ZP3: variants seen among roughly 807,000 people sequenced by gnomAD.
The protein encoded by ZP3 is zona pellucida glycoprotein 3.
ZP3 carries 21 observed loss-of-function variants against 35.6 expected under a neutral mutation model. That is an observed-to-expected ratio of 0.59 (90% confidence interval 0.42 to 0.85). The LOEUF is 0.85. ZP3 is among the 40% of genes least tolerant of loss of function. The pLI, the probability that ZP3 is intolerant of heterozygous loss-of-function variation, is 0.00. For missense variants in ZP3, 437 were observed against 536.5 expected, an observed-to-expected ratio of 0.81 and a Z score of 1.83; for synonymous variants, 207 against 214.5, an observed-to-expected ratio of 0.96 and a Z score of 0.31.
chr7:76,397,570 G>T lies in ZP3; in HGVS notation c.-294G>T, dbSNP rs769209494. On this transcript the variant is annotated 5_prime_UTR_variant, in exon 1 of 9. Coordinates refer to the ZP3 transcript ENST00000336517. ...GGTGGCCGCAGTTGTGCACACCCCAGCCCAGGCTCTGGCAGGCTGCCAGGC... is the reference window on the plus strand; with the variant it reads ...GGTGGCCGCAGTTGTGCACACCCCATCCCAGGCTCTGGCAGGCTGCCAGGC... The T allele has an allele frequency of 3.1e-6, 5 of 1,607,330 alleles. No individual in the cohort carries two copies. The Admixed American group carries it at 8.5e-5, about 27-fold the overall frequency.
intron 1 of ZP3, among the ~76,000 whole-genome samples, chr7:76,419,641 T>C (rs56314832): frequency 0.021 from 3,229 of 151,848 alleles, 89 homozygotes; most frequent in African/African-American, 0.061. Context: ...TTTCTTTCTT[T>C]CTTTTCTCTC....
At chr7:76,404,401 C>T in intron 1 of ZP3, 1 of 1,614,080 alleles carries the variant, frequency 6.2e-7, no homozygotes, top group Non-Finnish European at 8.5e-7. Flanking sequence ...GCTTCTCATC[C>T]AGCTGGGGAC....
chr7:76,435,026 A>C (rs559573130), intron 5 of ZP3, among the ~76,000 whole-genome samples: 1 of 152,324 alleles, frequency 6.6e-6, no homozygotes, highest in Admixed American at 6.5e-5. Flanking sequence ...AAGGACCAAC[A>C]TCTAGCCGGG....
At chr7:76,405,442 A>G (rs1192407692) in intron 1 of ZP3, among the ~76,000 whole-genome samples, 2 of 138,686 alleles carry the variant, frequency 1.4e-5, no homozygotes, top group East Asian at 4.3e-4. Context: ...TTGGCCTCCC[A>G]AAGTGCTGAA....
intron 5 of ZP3, among the ~76,000 whole-genome samples, chr7:76,435,459 G>A (rs1363642763): frequency 6.6e-6 from 1 of 152,228 alleles, no homozygotes; most frequent in Non-Finnish European, 1.5e-5. Context: ...CCAGCCTCAA[G>A]TAGCTTTTAA....
At position 76,415,139 on chromosome 7, in the gene ZP3, G is replaced by A. The variant is rs1461871442; in HGVS notation, c.-66-9913G>A. On this transcript the variant is annotated intron_variant, in intron 1 of 8. Coordinates refer to the ZP3 transcript ENST00000336517. ...GCCTGTAATCCCAGCACTTTGGAAGGCCGAGGTGGGCGGATCACGTGAGGT... is the reference window on the plus strand; with the variant it reads ...GCCTGTAATCCCAGCACTTTGGAAGACCGAGGTGGGCGGATCACGTGAGGT... Among the ~76,000 whole-genome samples, 36 of 151,526 alleles carry A rather than the reference G, an allele frequency of 2.4e-4. 1 individual carries two copies. The highest frequency in any genetic ancestry group is 2.4e-3 in the Admixed American group (36 of 15,184).
chr7:76,436,273 C>T (rs1230452165), intron 5 of ZP3, among the ~76,000 whole-genome samples: 1 of 151,974 alleles, frequency 6.6e-6, no homozygotes, highest in Admixed American at 6.6e-5. Context: ...TCTTGAATAC[C>T]CGACCTCAAA....
chr7:76,435,431 A>G (rs931447510), intron 5 of ZP3, among the ~76,000 whole-genome samples: 24 of 152,272 alleles, frequency 1.6e-4, no homozygotes, highest in African/African-American at 5.5e-4. Context: ...CTGGAATTAC[A>G]GGCGTGAGCC....
intron 1 of ZP3, among the ~76,000 whole-genome samples, chr7:76,406,993 C>G (rs986323904): frequency 6.6e-6 from 1 of 152,138 alleles, no homozygotes; most frequent in African/African-American, 2.4e-5. Flanking sequence ...CAGAGCCTCC[C>G]TCTGTCACCC....
chr7:76,402,237 T>C (rs1563685310), intron 1 of ZP3, among the ~76,000 whole-genome samples: 2 of 149,304 alleles, frequency 1.3e-5, no homozygotes. Flanking sequence ...TGGAGCACAG[T>C]GGCATGATCT....
At chr7:76,431,224 G>A (rs1805816834) in intron 2 of ZP3, among the ~76,000 whole-genome samples, 1 of 152,176 alleles carries the variant, frequency 6.6e-6, no homozygotes, top group African/African-American at 2.4e-5. Flanking sequence ...TGTGGGTAGG[G>A]GAGATGGAGG....
chr7:76,424,921 G>C (rs1460295551), upstream of ZP3: 3 of 1,477,994 alleles, frequency 2.0e-6, no homozygotes, highest in Non-Finnish European at 2.7e-6. Context: ...CATCCCACGG[G>C]TATAAGATGG....
Position 76,398,897 on chromosome 7 carries a change from C to T in ZP3, c.-67+1100C>T, listed in dbSNP as rs189015795. On this transcript the variant is annotated intron_variant, in intron 1 of 8. Transcript: ENST00000336517. ...GAGGATGGACCCATAAGGTGCTTGC[C>T]GCCAGAGCCTCTGGCCACACAAAGA... 3.4e-5 allele frequency: 42 copies of T among 1,218,116 alleles called. No individual in the cohort carries two copies. The African/African-American group carries it at 5.0e-4, about 15-fold the overall frequency. 75.5% of individuals were successfully genotyped at this position (1,218,116 alleles called of 1,614,324 possible). A position where few individuals can be genotyped will look rare whatever the true frequency, so the allele number is the denominator to read the frequency against.
chr7:76,436,608 G>A (rs1009407612), intron 5 of ZP3, among the ~76,000 whole-genome samples: 3 of 152,226 alleles, frequency 2.0e-5, no homozygotes, highest in Non-Finnish European at 4.4e-5. Flanking sequence ...GTAGCAAAAG[G>A]GAAAAGCATC....
At chr7:76,403,709 T>C (rs1804903759) in intron 1 of ZP3, among the ~76,000 whole-genome samples, 1 of 151,838 alleles carries the variant, frequency 6.6e-6, no homozygotes, top group South Asian at 2.1e-4. Flanking sequence ...TCACCCAGGC[T>C]GGAGTGCAGT....
At chr7:76,406,391 C>A (rs1197249193) in intron 1 of ZP3, among the ~76,000 whole-genome samples, 2 of 152,134 alleles carry the variant, frequency 1.3e-5, no homozygotes, top group East Asian at 1.9e-4. Context: ...TTGTACAATG[C>A]CTTCTAAAAA....
At chr7:76,421,029 A>C (rs1244163270), upstream of ZP3, among the ~76,000 whole-genome samples, 1 of 151,270 alleles carries the variant, frequency 6.6e-6, no homozygotes, top group East Asian at 1.9e-4. Context: ...TCCACCTCCC[A>C]GGTTCAAGTG....
chr7:76,436,140 C>A lies in ZP3; in HGVS notation c.831+1985C>A, dbSNP rs1248148174. On this transcript the variant is annotated intron_variant, in intron 5 of 7. Transcript: ENST00000394857. ...AATCTTAGGTCACTGCAACTTCCACCTCCCAGGCTCAAGCGATTCTCCTGC... is the reference window on the plus strand; with the variant it reads ...AATCTTAGGTCACTGCAACTTCCACATCCCAGGCTCAAGCGATTCTCCTGC... Among the ~76,000 whole-genome samples the A allele has an allele frequency of 8.4e-5, 12 of 143,680 alleles. No homozygotes were observed. The South Asian group carries it at 2.3e-3, about 27-fold the overall frequency. The allele number at this position is 143,680 out of a possible 152,430, so 94.3% of individuals were successfully genotyped here.
At position 76,416,909 on chromosome 7, in the gene ZP3, T is replaced by C. The variant is rs1483757536; in HGVS notation, c.-66-8143T>C. Among the ~76,000 whole-genome samples the C allele has an allele frequency of 5.4e-3, 712 of 130,948 alleles. 6 individuals carry two copies. The highest frequency in any genetic ancestry group is 0.023 in the African/African-American group (669 of 29,700). The allele number at this position is 130,948 out of a possible 152,430, so 85.9% of individuals were successfully genotyped here. ...ACATATATATACACATACATATGTA[T>C]ACATACATATATATACACATACATA... On this transcript the variant is annotated intron_variant, in intron 1 of 8. Transcript: ENST00000336517.
Sources: gnomAD v4.1 joint callset for allele counts (sites outside exome capture counted in the v4.1 genomes callset) on GRCh38, gnomAD v4.1.1 for gene constraint, MANE v1.5 for transcripts, NCBI Gene and HGNC (gene_info 2026-07-23, HGNC 2026-07-21) for gene names.